SIL1: variants seen among roughly 807,000 people sequenced by gnomAD.
The protein encoded by SIL1 is nucleotide exchange factor SIL1.
In SIL1, 40 loss-of-function variants were observed where a neutral mutation model predicts 49.1. The ratio of observed to expected loss-of-function variants is 0.81; its 90% CI spans 0.63 to 1.06. SIL1 has a LOEUF of 1.06. Ranked by LOEUF, SIL1 falls within the 50% of genes least tolerant of loss-of-function variation. SIL1 has a pLI of 0.00. For missense variants in SIL1, 500 were observed against 572.6 expected (o/e 0.87, Z 1.29); for synonymous variants, 253 against 250.8 (o/e 1.01, Z -0.08).
At chr5:139,044,635 A>G (rs1439632034) in intron 4 of SIL1, among the ~76,000 whole-genome samples, 2 of 152,196 alleles carry the variant, frequency 1.3e-5, no homozygotes, top group Admixed American at 6.5e-5. Flanking sequence ...CCTTCCTATT[A>G]TAATGGATGA....
chr5:139,138,577 C>T (rs560795457), intron 1 of SIL1, among the ~76,000 whole-genome samples: 36 of 152,324 alleles, frequency 2.4e-4, no homozygotes, highest in African/African-American at 8.7e-4. Context: ...AGCCAAGTCT[C>T]CCCTACTAGC....
chr5:138,987,404 TCTAA>T (rs1767670063), intron 7 of SIL1, among the ~76,000 whole-genome samples: 1 of 152,004 alleles, frequency 6.6e-6, no homozygotes, highest in Non-Finnish European at 1.5e-5. Context: ...AAAAAAAAAA[TCTAA>T]CTAGTCATCC....
chr5:139,136,954 C>T (rs1211132932), intron 1 of SIL1, among the ~76,000 whole-genome samples: 1 of 152,154 alleles, frequency 6.6e-6, no homozygotes, highest in Non-Finnish European at 1.5e-5. Context: ...AAGGAGGGGG[C>T]AGGGAGGTAA....
At chr5:139,116,786 A>C (rs1437724517) in intron 3 of SIL1, among the ~76,000 whole-genome samples, 1 of 152,228 alleles carries the variant, frequency 6.6e-6, no homozygotes, top group East Asian at 1.9e-4. Context: ...ACAAAGGTAT[A>C]TATTTTTAAA....
At chr5:139,106,899 G>A (rs1419847715) in intron 3 of SIL1, among the ~76,000 whole-genome samples, 2 of 152,204 alleles carry the variant, frequency 1.3e-5, no homozygotes, top group Admixed American at 1.3e-4. Flanking sequence ...TCTTTCTCTG[G>A]ATGATCAAAC....
chr5:139,102,799 C>A (rs1770621980), intron 3 of SIL1, among the ~76,000 whole-genome samples: 4 of 151,634 alleles, frequency 2.6e-5, no homozygotes, highest in Admixed American at 2.6e-4. Flanking sequence ...ACCGCAACCT[C>A]CGCCTCCCAG....
chr5:139,153,839 T>A (rs1157294565), intron 1 of SIL1, among the ~76,000 whole-genome samples: 1 of 152,188 alleles, frequency 6.6e-6, no homozygotes, highest in Non-Finnish European at 1.5e-5. Flanking sequence ...GTTAAACCAT[T>A]TTTCCCAGTG....
intron 3 of SIL1, among the ~76,000 whole-genome samples, chr5:139,110,710 G>C (rs1770821354): frequency 6.6e-6 from 1 of 152,234 alleles, no homozygotes. Context: ...AAGATCAGTG[G>C]CTAGTGGGGT....
At chr5:139,126,997 G>C (rs1462442313) in intron 2 of SIL1, among the ~76,000 whole-genome samples, 1 of 152,166 alleles carries the variant, frequency 6.6e-6, no homozygotes, top group Non-Finnish European at 1.5e-5. Flanking sequence ...GCTGGTCAAG[G>C]GCAGGCTGTT....
At chr5:138,982,725 G>T (rs1767555448) in intron 7 of SIL1, among the ~76,000 whole-genome samples, 1 of 152,164 alleles carries the variant, frequency 6.6e-6, no homozygotes, top group African/African-American at 2.4e-5. Flanking sequence ...CATCTCCCTA[G>T]GACAGAACTT....
At chr5:139,184,599 A>G (rs1169165459) in intron 1 of SIL1, among the ~76,000 whole-genome samples, 1 of 152,150 alleles carries the variant, frequency 6.6e-6, no homozygotes, top group Non-Finnish European at 1.5e-5. Flanking sequence ...CTTGAGCCCA[A>G]GATTTTGAGG....
At chr5:139,115,068 C>A (rs1247182078) in intron 3 of SIL1, among the ~76,000 whole-genome samples, 2 of 151,858 alleles carry the variant, frequency 1.3e-5, no homozygotes, top group Non-Finnish European at 2.9e-5. Context: ...AAGGATGGGA[C>A]AGAAGAGATT....
At chr5:139,146,332 C>A (rs907502871) in intron 1 of SIL1, among the ~76,000 whole-genome samples, 41 of 151,858 alleles carry the variant, frequency 2.7e-4, no homozygotes, top group Non-Finnish European at 1.2e-4. Flanking sequence ...CAAGGTGAGA[C>A]AATCACTTGA....
chr5:139,106,391 A>G (rs1195892787), intron 3 of SIL1, among the ~76,000 whole-genome samples: 1 of 152,246 alleles, frequency 6.6e-6, no homozygotes, highest in Non-Finnish European at 1.5e-5. Context: ...TGGTTTATGA[A>G]CTATCCTGTA....
chr5:138,949,795 T>A, intron 9 of SIL1, among the ~76,000 whole-genome samples: 1 of 93,996 alleles, frequency 1.1e-5, no homozygotes, highest in South Asian at 3.5e-4. Context: ...AGAGACCCTG[T>A]CTCAAAAAAA....
intron 7 of SIL1, among the ~76,000 whole-genome samples, chr5:138,992,061 G>A (rs1347392866): frequency 6.6e-6 from 1 of 152,178 alleles, no homozygotes; most frequent in Admixed American, 6.5e-5. Context: ...TAATGCATAC[G>A]CAGACCATGG....
intron 3 of SIL1, among the ~76,000 whole-genome samples, chr5:139,076,737 A>G (rs996707497): frequency 6.6e-6 from 1 of 152,224 alleles, no homozygotes; most frequent in African/African-American, 2.4e-5. Flanking sequence ...GTGGACTAAG[A>G]AACCAATTCC....
chr5:139,077,965 GCA>G (rs1769990076), intron 3 of SIL1, among the ~76,000 whole-genome samples: 1 of 152,120 alleles, frequency 6.6e-6, no homozygotes, highest in African/African-American at 2.4e-5. Context: ...ACAAACTATA[GCA>G]CAGAGCAAGA....
intron 5 of SIL1, among the ~76,000 whole-genome samples, chr5:139,030,687 G>A (rs1207423460): frequency 6.6e-6 from 1 of 151,068 alleles, no homozygotes; most frequent in African/African-American, 2.4e-5. Flanking sequence ...ATTTTTTGTA[G>A]AAAACATAGA....
Sources: gnomAD v4.1 joint callset for allele counts (sites outside exome capture counted in the v4.1 genomes callset) on GRCh38, gnomAD v4.1.1 for gene constraint, MANE v1.5 for transcripts, NCBI Gene and HGNC (gene_info 2026-07-23, HGNC 2026-07-21) for gene names.